Variants in ARHGAP12 observed in about 807,000 individuals in gnomAD.
ARHGAP12 encodes the protein rho GTPase-activating protein 12.
ARHGAP12 carries 64 observed loss-of-function variants against 108.6 expected under a neutral mutation model. The observed-to-expected ratio is 0.59, with a 90% CI of 0.48 to 0.73. The LOEUF is 0.73. Ranked by LOEUF, ARHGAP12 falls within the 30% of genes least tolerant of loss-of-function variation. ARHGAP12 has a pLI of 0.00. For missense variants in ARHGAP12, 940 were observed against 1,005.9 expected (o/e 0.93, Z 0.89); for synonymous variants, 312 against 337.2 (o/e 0.93, Z 0.82).
intron 3 of ARHGAP12, among the ~76,000 whole-genome samples, chr10:31,882,794 C>G (rs1299669063): frequency 7.5e-6 from 1 of 134,150 alleles, no homozygotes; most frequent in Non-Finnish European, 1.6e-5. Flanking sequence ...GCCTGGGAAA[C>G]AGAGCAAGAC....
chr10:31,901,792 T>C (rs12245117), intron 3 of ARHGAP12, among the ~76,000 whole-genome samples: 7,788 of 152,246 alleles, frequency 0.051, 664 homozygotes, highest in African/African-American at 0.18. Context: ...CACCTTCTTG[T>C]GGCTGCTGGC....
intron 1 of ARHGAP12, among the ~76,000 whole-genome samples, chr10:31,916,325 C>T (rs1226554196): frequency 6.6e-6 from 1 of 152,110 alleles, no homozygotes; most frequent in African/African-American, 2.4e-5. Flanking sequence ...CCTTTTTCCA[C>T]GTTTCAACAA....
At chr10:31,851,434 C>T (rs527435262) in intron 6 of ARHGAP12, among the ~76,000 whole-genome samples, 18 of 152,090 alleles carry the variant, frequency 1.2e-4, no homozygotes, top group Non-Finnish European at 2.1e-4. Context: ...TCTCCTCATC[C>T]CCCACACCCA....
intron 4 of ARHGAP12, among the ~76,000 whole-genome samples, chr10:31,857,368 A>C (rs1045581093): frequency 2.0e-5 from 3 of 152,242 alleles, no homozygotes; most frequent in African/African-American, 7.2e-5. Flanking sequence ...CATCAAATGA[A>C]GGCATAGACA....
At chr10:31,841,557 A>T (rs1444467835) in intron 7 of ARHGAP12, among the ~76,000 whole-genome samples, 1 of 152,284 alleles carries the variant, frequency 6.6e-6, no homozygotes, top group East Asian at 1.9e-4. Flanking sequence ...AACAGATTAC[A>T]ACGGTAAATA....
chr10:31,811,407 A>G (rs1220961458), intron 15 of ARHGAP12, among the ~76,000 whole-genome samples: 1 of 152,210 alleles, frequency 6.6e-6, no homozygotes, highest in Admixed American at 6.5e-5. Context: ...GAAATTCCAT[A>G]TTAGTGGTAA....
intron 3 of ARHGAP12, among the ~76,000 whole-genome samples, chr10:31,886,279 T>C (rs1420743725): frequency 6.6e-6 from 1 of 152,202 alleles, no homozygotes; most frequent in African/African-American, 2.4e-5. Context: ...TACACATTTT[T>C]TTAATGACTC....
chr10:31,852,475 TCTA>T (rs781427763), intron 6 of ARHGAP12, 39 bp downstream of exon 6: 2 of 1,371,546 alleles, frequency 1.5e-6, no homozygotes, highest in African/African-American at 1.4e-5. Flanking sequence ...TATTACTTCA[TCTA>T]CTATTTTTAA....
At position 31,817,797 on chromosome 10, in the gene ARHGAP12, G is replaced by A; in HGVS notation, c.1722C>T (p.Ile574=). 6.3e-7 allele frequency: 1 copy of A among 1,591,038 alleles called. No individual in the cohort carries two copies. Among genetic ancestry groups the A allele is most frequent in the Non-Finnish European group, 8.6e-7 (1 of 1,169,540 alleles). The change falls in exon 13 of 20, where the codon ATC becomes ATT. Residue 574 remains isoleucine, a synonymous_variant. Coordinates refer to ENST00000344936, the MANE Select transcript of ARHGAP12 (RefSeq NM_018287.7). ...NDWFKVLSST[I]NNQAVETDEG... ...TAAGTCAACGACATACCTGATTATT[G>A]ATTGTACTACTAAGAACTTTAAACC...
In ARHGAP12 at chr10:31,910,513, A is replaced by G. The variant is rs1839298021; in HGVS notation, c.-72+12T>C. 1 of 100,624 alleles carries G rather than the reference A, an allele frequency of 9.9e-6. No homozygotes were observed. The highest frequency in any genetic ancestry group is 3.9e-5 in the African/African-American group (1 of 25,626). The allele number at this position is 100,624 out of a possible 1,614,324, so 6.2% of individuals were successfully genotyped here. Reference sequence around the variant, plus strand: ...ATTTAATACAACACATTTTCAAAAAATAAAAAATTACCTTAGAACAAGGAG... The same window carrying G: ...ATTTAATACAACACATTTTCAAAAAGTAAAAAATTACCTTAGAACAAGGAG... On this transcript the variant is annotated intron_variant, in intron 2 of 19. Transcript: ENST00000344936.
At chr10:31,907,795 G>T (rs1043633309) in intron 3 of ARHGAP12, among the ~76,000 whole-genome samples, 3 of 152,020 alleles carry the variant, frequency 2.0e-5, no homozygotes, top group Admixed American at 2.0e-4. Context: ...AGACTTCTTG[G>T]AACCAAGTCA....
chr10:31,845,945 T>C (rs1033587754), intron 6 of ARHGAP12, among the ~76,000 whole-genome samples: 2 of 152,246 alleles, frequency 1.3e-5, no homozygotes, highest in Non-Finnish European at 2.9e-5. Context: ...TGGCATTTTA[T>C]CATTAATTGT....
chr10:31,826,465 C>G, intron 10 of ARHGAP12, 80 bp from the exon 11 acceptor site: 5 of 1,099,228 alleles, frequency 4.5e-6, no homozygotes, highest in Non-Finnish European at 6.7e-6. Flanking sequence ...ACCTACTTAG[C>G]TCTTATCAAT....
intron 3 of ARHGAP12, among the ~76,000 whole-genome samples, chr10:31,866,414 A>ACT (rs965893140): frequency 1.3e-5 from 2 of 152,208 alleles, no homozygotes; most frequent in African/African-American, 4.8e-5. Flanking sequence ...TGCAGACTGT[A>ACT]ATCTTTGAGA....
chr10:31,848,956 A>C (rs10466064), intron 6 of ARHGAP12, among the ~76,000 whole-genome samples: 2,146 of 152,072 alleles, frequency 0.014, 57 homozygotes, highest in African/African-American at 0.049. Context: ...CTATAATCCC[A>C]GGTACGTAGG....
At chr10:31,920,020 C>T (rs1307253987) in intron 1 of ARHGAP12, among the ~76,000 whole-genome samples, 2 of 148,462 alleles carry the variant, frequency 1.3e-5, no homozygotes, top group South Asian at 2.2e-4. Flanking sequence ...GCAGGAGAAT[C>T]GCTTGAACCT....
chr10:31,902,826 C>T (rs999332837), intron 3 of ARHGAP12, among the ~76,000 whole-genome samples: 1 of 152,106 alleles, frequency 6.6e-6, no homozygotes, highest in East Asian at 1.9e-4. Flanking sequence ...CAGATATTTC[C>T]ATTATTCTGA....
chr10:31,854,907 T>A (rs186141161), intron 4 of ARHGAP12, among the ~76,000 whole-genome samples: 115 of 149,934 alleles, frequency 7.7e-4, no homozygotes, highest in African/African-American at 2.7e-3. Context: ...GGCCAGAGGA[T>A]CATTTGAGTA....
At chr10:31,831,702 T>C (rs752259550) in intron 10 of ARHGAP12, 37 bp downstream of exon 10, 3 of 1,378,314 alleles carry the variant, frequency 2.2e-6, no homozygotes, top group South Asian at 1.3e-5. Flanking sequence ...TTATTTCAGA[T>C]GAATCATGTA....
Sources: gnomAD v4.1 joint callset for allele counts (sites outside exome capture counted in the v4.1 genomes callset) on GRCh38, gnomAD v4.1.1 for gene constraint, MANE v1.5 for transcripts, NCBI Gene and HGNC (gene_info 2026-07-23, HGNC 2026-07-21) for gene names.